Variants in ZNF385D observed in about 807,000 individuals in gnomAD.
ZNF385D encodes zinc finger protein 659.
ZNF385D carries 15 observed loss-of-function variants against 35.8 expected under a neutral mutation model. That is an observed-to-expected ratio of 0.42 (90% CI 0.28 to 0.64). The LOEUF is 0.64. ZNF385D is among the 30% of genes least tolerant of loss of function. ZNF385D has a pLI of 0.23. For missense variants in ZNF385D, 474 were observed against 494.6 expected (o/e 0.96, Z 0.39); for synonymous variants, 212 against 186.8 (o/e 1.13, Z -1.10).
intron 2 of ZNF385D, among the ~76,000 whole-genome samples, chr3:22,243,479 G>T (rs1192965081): frequency 1.3e-5 from 2 of 150,990 alleles, no homozygotes; most frequent in African/African-American, 4.9e-5. Flanking sequence ...ATACCCTATA[G>T]CAACGAGAAG....
chr3:22,003,655 C>G (rs1053695781), intron 3 of ZNF385D, among the ~76,000 whole-genome samples: 3 of 151,942 alleles, frequency 2.0e-5, no homozygotes, highest in African/African-American at 7.3e-5. Context: ...TCACTTGAGG[C>G]CAGGTGTTCG....
intron 2 of ZNF385D, among the ~76,000 whole-genome samples, chr3:22,245,016 G>C: frequency 6.6e-6 from 1 of 152,066 alleles, no homozygotes; most frequent in South Asian, 2.1e-4. Context: ...CATCAGAATT[G>C]CCAGAGAAAG....
chr3:21,835,236 A>G (rs553485098), intron 3 of ZNF385D, among the ~76,000 whole-genome samples: 1 of 132,692 alleles, frequency 7.5e-6, no homozygotes, highest in East Asian at 2.3e-4. Context: ...TAGTGAGGCT[A>G]TGTATAGTTT....
intron 3 of ZNF385D, among the ~76,000 whole-genome samples, chr3:21,811,905 T>C (rs530866390): frequency 2.6e-5 from 4 of 152,308 alleles, no homozygotes; most frequent in African/African-American, 4.8e-5. Context: ...ACCTGATCCA[T>C]TGATCAATCT....
At chr3:22,105,757 G>T (rs1456646332) in intron 3 of ZNF385D, among the ~76,000 whole-genome samples, 5 of 152,220 alleles carry the variant, frequency 3.3e-5, no homozygotes, top group African/African-American at 1.2e-4. Context: ...ACATTGGGGA[G>T]GGCCATCTGC....
chr3:21,621,896 C>T (rs1240603861), intron 2 of ZNF385D, among the ~76,000 whole-genome samples: 3 of 138,536 alleles, frequency 2.2e-5, no homozygotes, highest in Admixed American at 1.5e-4. Context: ...TGTGTGTGTG[C>T]GTGCACGCAC....
intron 2 of ZNF385D, among the ~76,000 whole-genome samples, chr3:22,339,755 A>G (rs766454956): frequency 6.6e-6 from 1 of 152,124 alleles, no homozygotes; most frequent in Non-Finnish European, 1.5e-5. Flanking sequence ...TGCCTTCACT[A>G]TCTTGAAACA....
At chr3:21,684,562 C>A (rs1056027466) in intron 1 of ZNF385D, among the ~76,000 whole-genome samples, 1 of 151,712 alleles carries the variant, frequency 6.6e-6, no homozygotes, top group Non-Finnish European at 1.5e-5. Context: ...TCAAAAAATA[C>A]CCTCAATAGT....
At chr3:21,710,233 T>C (rs1366891607) in intron 1 of ZNF385D, among the ~76,000 whole-genome samples, 3 of 152,182 alleles carry the variant, frequency 2.0e-5, no homozygotes, top group East Asian at 1.9e-4. Context: ...TTACATAGAC[T>C]GCATGCATTT....
At chr3:22,091,870 C>A (rs1040885969) in intron 3 of ZNF385D, among the ~76,000 whole-genome samples, 1 of 152,152 alleles carries the variant, frequency 6.6e-6, no homozygotes, top group Admixed American at 6.5e-5. Flanking sequence ...GTTAACTTTA[C>A]AACTTGGTCT....
intron 3 of ZNF385D, among the ~76,000 whole-genome samples, chr3:21,756,961 G>C (rs911423396): frequency 3.3e-5 from 5 of 152,098 alleles, no homozygotes; most frequent in African/African-American, 1.2e-4. Context: ...ATTCTTACTT[G>C]ATGTTTCCAT....
intron 3 of ZNF385D, among the ~76,000 whole-genome samples, chr3:21,981,091 G>T (rs1432205944): frequency 6.6e-6 from 1 of 152,084 alleles, no homozygotes. Context: ...ATAATAATAG[G>T]ACTGCTGGGT....
Position 22,176,800 on chromosome 3 carries a change from T to C in ZNF385D, c.107-7765A>G, listed in dbSNP as rs190125515. On this transcript the variant is annotated intron_variant, in intron 2 of 5. Coordinates refer to the ZNF385D transcript ENST00000494108. ...TCACCATGAAAGCACTAAAATATTT[T>C]TGAGGCCAAATGGGAGCCCATAGTT... Among the ~76,000 whole-genome samples the C allele has an allele frequency of 1.4e-3, 211 of 152,276 alleles. 2 individuals carry two copies. In the South Asian group the frequency reaches 0.029, roughly 21 times the overall value.
chr3:22,258,741 T>C (rs1456347518), intron 2 of ZNF385D, among the ~76,000 whole-genome samples: 1 of 151,786 alleles, frequency 6.6e-6, no homozygotes, highest in Non-Finnish European at 1.5e-5. Context: ...GTTAAATATT[T>C]ATTTAAAAAT....
rs113320212 is a variant in ZNF385D, at chr3:21,782,271, A to G, written c.326-117243T>C. ...TAGTGCCGGCCAAGTGGAGGTCACA[A>G]TGTGAGCACTTGTCTTCATGAGGTA... On this transcript the variant is annotated intron_variant, in intron 3 of 5. Coordinates refer to the ZNF385D transcript ENST00000494108. Among the ~76,000 whole-genome samples, 7 of 152,248 alleles carry G rather than the reference A, an allele frequency of 4.6e-5. 1 individual carries two copies. The highest frequency in any genetic ancestry group is 1.4e-4 in the African/African-American group (6 of 41,564).
chr3:21,665,750 C>T (rs1230714349), intron 1 of ZNF385D, among the ~76,000 whole-genome samples: 1 of 152,094 alleles, frequency 6.6e-6, no homozygotes, highest in Admixed American at 6.6e-5. Context: ...CAGTAAGTAG[C>T]CAGCCTTTTG....
intron 2 of ZNF385D, among the ~76,000 whole-genome samples, chr3:21,613,357 C>G (rs2064745661): frequency 6.7e-6 from 1 of 150,294 alleles, no homozygotes; most frequent in Non-Finnish European, 1.5e-5. Flanking sequence ...AAAAAAATGT[C>G]TTAACTGATT....
At chr3:21,944,521 G>C (rs1483335790) in intron 3 of ZNF385D, among the ~76,000 whole-genome samples, 2 of 152,308 alleles carry the variant, frequency 1.3e-5, no homozygotes, top group South Asian at 4.1e-4. Flanking sequence ...GGTTCGCAAG[G>C]AAAGGCTTGT....
intron 3 of ZNF385D, among the ~76,000 whole-genome samples, chr3:21,968,971 G>C (rs770848640): frequency 2.6e-5 from 4 of 152,152 alleles, no homozygotes; most frequent in Non-Finnish European, 5.9e-5. Context: ...GACTTGGCTT[G>C]GGCCAGAGGA....
Sources: gnomAD v4.1 joint callset for allele counts (sites outside exome capture counted in the v4.1 genomes callset) on GRCh38, gnomAD v4.1.1 for gene constraint, MANE v1.5 for transcripts, NCBI Gene and HGNC (gene_info 2026-07-23, HGNC 2026-07-21) for gene names.